INPP5B: variants seen among roughly 807,000 people sequenced by gnomAD.
The protein encoded by INPP5B is type II inositol 1,4,5-trisphosphate 5-phosphatase.
A neutral mutation model predicts 118.5 loss-of-function variants in INPP5B; 90 were observed. The ratio of observed to expected loss-of-function variants is 0.76; its 90% CI spans 0.64 to 0.90. The LOEUF is 0.90. Among genes scored for constraint, INPP5B ranks in the 40% least tolerant of loss-of-function variants. INPP5B has a pLI of 0.00. For missense variants in INPP5B, 984 were observed against 1,125.6 expected (o/e 0.87, Z 1.80); for synonymous variants, 385 against 418.9 (o/e 0.92, Z 0.99).
Position 37,873,185 on chromosome 1 carries a change from A to T in INPP5B, c.1952-20T>A. The T allele has an allele frequency of 6.3e-7, 1 of 1,580,594 alleles. No individual in the cohort carries two copies. The highest frequency in any genetic ancestry group is 8.7e-7 in the Non-Finnish European group (1 of 1,149,568). ...CAGAATCTGCAGAGAAATTTTAAAA[A>T]TAATGTTGGCCGGGGGCAGGCCAAG... is the stretch of plus-strand genomic sequence containing the variant. On this transcript the variant is annotated intron_variant, in intron 18 of 23. Transcript: ENST00000373024.
chr1:37,921,683 C>A (rs1027529263), intron 7 of INPP5B, among the ~76,000 whole-genome samples: 1 of 152,010 alleles, frequency 6.6e-6, no homozygotes, highest in African/African-American at 2.4e-5. Context: ...CCTGTCTCTA[C>A]TAAAAATACA....
At chr1:37,889,181 G>A (rs974772760) in intron 9 of INPP5B, among the ~76,000 whole-genome samples, 3 of 152,218 alleles carry the variant, frequency 2.0e-5, no homozygotes, top group Non-Finnish European at 2.9e-5. Flanking sequence ...AGGGTACAGT[G>A]AGCTGTGACT....
chr1:37,898,898 G>A (rs1478411589), intron 7 of INPP5B, among the ~76,000 whole-genome samples: 1 of 151,786 alleles, frequency 6.6e-6, no homozygotes, highest in Non-Finnish European at 1.5e-5. Flanking sequence ...TAAGACTAAA[G>A]GCACCAGGAG....
At chr1:37,883,835 T>TGG (rs1301239620) in intron 13 of INPP5B, 1 of 985,354 alleles carries the variant, frequency 1.0e-6, no homozygotes, top group Admixed American at 6.1e-5. Flanking sequence ...GTTTACTCCT[T>TGG]GGCAGATATC....
At chr1:37,877,196 G>C (rs1156870235) in intron 16 of INPP5B, among the ~76,000 whole-genome samples, 2 of 151,884 alleles carry the variant, frequency 1.3e-5, no homozygotes, top group African/African-American at 4.8e-5. Flanking sequence ...CAAAAAAATA[G>C]CCAGACGTGG....
At position 37,882,925 on chromosome 1, in the gene INPP5B, G is replaced by A. The variant is rs368070373; in HGVS notation, c.1320-7C>T. On this transcript the variant is annotated splice_region_variant and splice_polypyrimidine_tract_variant and intron_variant, in intron 13 of 23. Transcript: ENST00000373024. The stretch of plus-strand genomic sequence containing the variant: ...CCCCAGCCACAAGATCACACTGTGA[G>A]GACAGAGCACAAAGGTAACAGGGTT... 9 of 1,614,076 alleles carry A rather than the reference G, an allele frequency of 5.6e-6. No individual in the cohort carries two copies. The African/African-American group carries it at 1.2e-4, about 22-fold the overall frequency.
chr1:37,896,391 G>A lies in INPP5B; in HGVS notation c.533-4937C>T, dbSNP rs535464022. 4.9e-5 allele frequency among the ~76,000 whole-genome samples: 7 copies of A among 142,008 alleles called. No homozygotes were observed. The East Asian group carries it at 6.4e-4, about 13-fold the overall frequency. The allele number at this position is 142,008 out of a possible 152,430, so 93.2% of individuals were successfully genotyped here. On this transcript the variant is annotated intron_variant, in intron 7 of 23. Coordinates refer to ENST00000373024, the MANE Select transcript of INPP5B (RefSeq NM_005540.3). The stretch of plus-strand genomic sequence containing the variant: ...CGTCTGAGAAGTGAGGAGCGTCTCC[G>A]CCCGGCAGCCACCTCGTCCGGGAGG...
intron 7 of INPP5B, among the ~76,000 whole-genome samples, chr1:37,903,774 C>T (rs1419313864): frequency 4.6e-5 from 7 of 151,892 alleles, no homozygotes; most frequent in Non-Finnish European, 1.0e-4. Flanking sequence ...CCTGTAATCT[C>T]AGCTACTTGG....
Position 37,885,718 on chromosome 1 carries a change from C to T in INPP5B, c.1239G>A (p.Gln413=). The stretch of plus-strand genomic sequence containing the variant: ...TTCGAGAACAAATGTCCTTATAGTC[C>T]TGGTTCCTCCTCTCATACTCTTCAA... ...AHIEEYERRN[Q]DYKDICSRMQ... is the part of the protein sequence containing the mutation. Residue 413 remains glutamine, a synonymous_variant, in exon 13 of 24, where the codon CAG becomes CAA. Transcript: ENST00000373024. The T allele has an allele frequency of 6.2e-7, 1 of 1,614,188 alleles. No homozygotes were observed. The highest frequency in any genetic ancestry group is 8.5e-7 in the Non-Finnish European group (1 of 1,180,028).
chr1:37,880,030 C>T, intron 15 of INPP5B, 55 bp downstream of exon 15: 2 of 1,193,410 alleles, frequency 1.7e-6, no homozygotes. Flanking sequence ...GCAAGTACTT[C>T]CCAGAATTTC....
intron 13 of INPP5B, chr1:37,883,568 C>T (rs1233241526): frequency 8.1e-6 from 8 of 985,272 alleles, no homozygotes; most frequent in Non-Finnish European, 8.4e-6. Context: ...AGCCAACAAC[C>T]ATGTCATTAG....
intron 19 of INPP5B, chr1:37,869,807 G>C (rs1642297064): frequency 6.6e-6 from 1 of 152,032 alleles, no homozygotes; most frequent in South Asian, 2.1e-4. Context: ...CTCACCATAT[G>C]ACCTGTGACA....
In INPP5B at chr1:37,887,246, A is replaced by G. The variant is rs372765012; in HGVS notation, c.1014+105T>C. The G allele has an allele frequency of 7.1e-4, 589 of 831,432 alleles. 12 individuals are homozygous for G. In the South Asian group the frequency reaches 9.4e-3, roughly 13 times the overall value. 51.5% of individuals were successfully genotyped at this position (831,432 alleles called of 1,614,324 possible). On this transcript the variant is annotated intron_variant, in intron 11 of 23. Transcript: ENST00000373024. ...GATCTGGAAATGAAAATTGCGGGAT[A>G]ATTAAGACTGGCTTAAGATAAAGGT...
intron 7 of INPP5B, among the ~76,000 whole-genome samples, chr1:37,916,410 C>CTTT: frequency 6.8e-6 from 1 of 147,294 alleles, no homozygotes; most frequent in Non-Finnish European, 1.5e-5. Flanking sequence ...CTTTTTCTTT[C>CTTT]ATTTTTTTTT....
At position 37,914,001 on chromosome 1, in the gene INPP5B, C is replaced by T. The variant is rs1180804053; in HGVS notation, c.532+17912G>A. Among the ~76,000 whole-genome samples, 5 of 152,052 alleles carry T rather than the reference C, an allele frequency of 3.3e-5. 1 individual carries two copies. Among genetic ancestry groups the T allele is most frequent in the Non-Finnish European group, 7.3e-5 (5 of 68,028 alleles). ...AGGTGCTTCGTAATATTCTCCCCGC[C>T]CTTGAGAATGTACTTTGTACACCTA... On this transcript the variant is annotated intron_variant, in intron 7 of 23. Transcript: ENST00000373024.
chr1:37,865,717 TG>T (rs1557613684), intron 22 of INPP5B, 43 bp downstream of exon 22: 3 of 1,598,444 alleles, frequency 1.9e-6, no homozygotes, highest in South Asian at 1.1e-5. Context: ...CTTAGCCCCA[TG>T]GGGTCTGGGG....
At position 37,927,703 on chromosome 1, in the gene INPP5B, A is replaced by AT. The variant is rs1196369543; in HGVS notation, c.532+4209dup. Reference sequence around the variant, plus strand: ...AGGCGCCCACCACCATGCCCGGCTAATTTTTTTGTATTTTTAGTAGAGACG... The same window carrying AT: ...AGGCGCCCACCACCATGCCCGGCTAATTTTTTTTGTATTTTTAGTAGAGACG... On this transcript the variant is annotated intron_variant, in intron 7 of 23. Coordinates refer to ENST00000373024, the MANE Select transcript of INPP5B (RefSeq NM_005540.3). Among the ~76,000 whole-genome samples, 5 of 151,476 alleles carry AT rather than the reference A, an allele frequency of 3.3e-5. No individual in the cohort carries two copies. The South Asian group carries it at 6.3e-4, about 19-fold the overall frequency.
intron 16 of INPP5B, among the ~76,000 whole-genome samples, chr1:37,876,539 G>A (rs1268695657): frequency 9.5e-6 from 1 of 105,604 alleles, no homozygotes; most frequent in Admixed American, 1.5e-4. Flanking sequence ...AAGACAGCAA[G>A]ATGCTGTCTC....
At chr1:37,902,540 T>G (rs1644368112) in intron 7 of INPP5B, among the ~76,000 whole-genome samples, 1 of 152,030 alleles carries the variant, frequency 6.6e-6, no homozygotes, top group African/African-American at 2.4e-5. Context: ...GACAACATGG[T>G]AAAACCCTAT....
Sources: allele counts gnomAD v4.1 joint callset (sites outside exome capture counted in the v4.1 genomes callset), GRCh38; gene constraint gnomAD v4.1.1; transcripts MANE v1.5; gene names NCBI Gene and HGNC (gene_info 2026-07-23, HGNC 2026-07-21).